PRKN: variants seen among roughly 807,000 people sequenced by gnomAD.
PRKN encodes parkin RBR E3 ubiquitin protein ligase, also known as E3 ubiquitin-protein ligase parkin.
Under a neutral mutation model 59.5 loss-of-function variants are expected in PRKN, and 56 were observed. The ratio of observed to expected loss-of-function variants is 0.94; its 90% confidence interval spans 0.76 to 1.18. The LOEUF (loss-of-function observed/expected upper bound fraction) is 1.18, where lower values mean the gene tolerates loss of function less well. PRKN is among the 50% of genes most tolerant of loss of function. PRKN has a pLI of 0.00. For synonymous variants in PRKN, 250 were observed against 222.1 expected (o/e 1.13, Z -1.12); for missense variants, 657 against 596.4 (o/e 1.10, Z -1.06).
intron 6 of PRKN, among the ~76,000 whole-genome samples, chr6:161,852,086 C>CAA (rs33977899): frequency 0.33 from 39,353 of 121,086 alleles, 5,899 homozygotes; most frequent in South Asian, 0.37. Context: ...GACTCCGTCT[C>CAA]AAAAAAAAAA....
intron 9 of PRKN, among the ~76,000 whole-genome samples, chr6:161,425,433 T>TA (rs1447635141): frequency 6.6e-6 from 1 of 152,154 alleles, no homozygotes; most frequent in Non-Finnish European, 1.5e-5. Flanking sequence ...CAGCAACCCT[T>TA]CAGAAAGAGT....
rs528603434 is a variant in PRKN, at chr6:161,653,009, C to T, written c.872-83593G>A. Among the ~76,000 whole-genome samples the T allele has an allele frequency of 4.6e-5, 7 of 152,288 alleles. No homozygotes were observed. In the South Asian group the frequency reaches 1.0e-3, roughly 23 times the overall value. On this transcript the variant is annotated intron_variant, in intron 7 of 11. Coordinates refer to ENST00000366898, the MANE Select transcript of PRKN (RefSeq NM_004562.3). ...CTATCCCGTACACATCTTGCTTCAT[C>T]GGAATCAATGTTGACTTATCATGAG... is the stretch of plus-strand genomic sequence containing the variant.
At chr6:161,875,794 A>T (rs774978447) in intron 6 of PRKN, among the ~76,000 whole-genome samples, 2 of 152,116 alleles carry the variant, frequency 1.3e-5, no homozygotes, top group African/African-American at 2.4e-5. Flanking sequence ...CATAATTAGT[A>T]AAGTGAGACA....
At chr6:162,665,196 G>A (rs1159454582) in intron 1 of PRKN, among the ~76,000 whole-genome samples, 1 of 152,104 alleles carries the variant, frequency 6.6e-6, no homozygotes, top group Non-Finnish European at 1.5e-5. Context: ...AATCAGGCAA[G>A]AGAAAGAAAT....
chr6:162,184,006 C>T (rs1409022783), intron 4 of PRKN, among the ~76,000 whole-genome samples: 1 of 152,222 alleles, frequency 6.6e-6, no homozygotes, highest in Non-Finnish European at 1.5e-5. Context: ...CTAGTTGCAA[C>T]TGCCCAGTGA....
chr6:161,395,245 C>T lies in PRKN; in HGVS notation c.1084-8368G>A, dbSNP rs748550084. On this transcript the variant is annotated intron_variant, in intron 9 of 11. Transcript: ENST00000366898. The surrounding 1 kb of genome is among the most constrained non-coding windows in gnomAD (Gnocchi z 5.0). ...ACATTGTATAATGTGCTGTACTCTG[C>T]TTGTTGGTTTTTCGTTTAATGCATG... is the stretch of plus-strand genomic sequence containing the variant. 7.2e-5 allele frequency among the ~76,000 whole-genome samples: 11 copies of T among 152,064 alleles called. No homozygotes were observed. Among genetic ancestry groups the T allele is most frequent in the Non-Finnish European group, 1.2e-4 (8 of 68,028 alleles).
chr6:162,681,683 A>G (rs1584039362), intron 1 of PRKN, among the ~76,000 whole-genome samples: 2 of 152,268 alleles, frequency 1.3e-5, no homozygotes, highest in South Asian at 4.1e-4. Flanking sequence ...TAAAGCATAA[A>G]GCAATCAATC....
intron 5 of PRKN, among the ~76,000 whole-genome samples, chr6:162,034,168 CAT>C (rs747375762): frequency 0.034 from 4,539 of 132,036 alleles, 74 homozygotes; most frequent in African/African-American, 0.039. Context: ...TGTACACATA[CAT>C]ATATATATAT....
chr6:162,547,435 A>C (rs746902893), intron 1 of PRKN, among the ~76,000 whole-genome samples: 7 of 152,166 alleles, frequency 4.6e-5, no homozygotes, highest in Non-Finnish European at 8.8e-5. Context: ...ATTTATTTCA[A>C]AGGACTTTCA....
chr6:161,521,178 G>C (rs1054713462), intron 9 of PRKN, among the ~76,000 whole-genome samples: 1 of 151,434 alleles, frequency 6.6e-6, no homozygotes, highest in African/African-American at 2.4e-5. Context: ...GGTTGATGAA[G>C]CAGGAGACTT....
In PRKN at chr6:161,569,484, G is replaced by C. The variant is rs3765475; in HGVS notation, c.872-68C>G. 0.61 allele frequency: 804,470 copies of C among 1,313,510 alleles called. 249,270 individuals are homozygous for C. The highest frequency in any genetic ancestry group is 0.81 in the African/African-American group (56,257 of 69,218). 81.4% of individuals were successfully genotyped at this position (1,313,510 alleles called of 1,614,324 possible). Reference sequence around the variant, plus strand: ...CTGTGTGGTTATATGTTCTTACACAGAGTTATGACTATCAACTGCCAGTGT... The same window carrying C: ...CTGTGTGGTTATATGTTCTTACACACAGTTATGACTATCAACTGCCAGTGT... On this transcript the variant is annotated intron_variant, in intron 7 of 11. Transcript: ENST00000366898.
intron 5 of PRKN, among the ~76,000 whole-genome samples, chr6:161,977,761 AT>A (rs1781104617): frequency 6.6e-6 from 1 of 150,546 alleles, no homozygotes; most frequent in Admixed American, 6.6e-5. Context: ...GTTAGCCAGG[AT>A]GGTCTCAATC....
At chr6:162,282,747 C>T (rs1217598594) in intron 2 of PRKN, among the ~76,000 whole-genome samples, 1 of 152,128 alleles carries the variant, frequency 6.6e-6, no homozygotes, top group East Asian at 1.9e-4. Flanking sequence ...TTATTATTAG[C>T]CCATTTGTCT....
intron 7 of PRKN, among the ~76,000 whole-genome samples, chr6:161,687,158 G>A (rs747393703): frequency 2.0e-4 from 31 of 151,900 alleles, no homozygotes; most frequent in African/African-American, 7.0e-4. Context: ...AGGCCAAGGC[G>A]GGCAGACTGC....
chr6:162,439,681 C>G (rs187392318), intron 2 of PRKN, among the ~76,000 whole-genome samples: 83 of 134,368 alleles, frequency 6.2e-4, no homozygotes, highest in African/African-American at 2.5e-3. Context: ...CTAACTCCCC[C>G]TCTTCCTCTT....
intron 7 of PRKN, among the ~76,000 whole-genome samples, chr6:161,673,099 G>C (rs1582983066): frequency 6.6e-6 from 1 of 152,082 alleles, no homozygotes; most frequent in African/African-American, 2.4e-5. Flanking sequence ...CACACTTCTG[G>C]AATGCTGTCC....
At chr6:162,445,167 C>T (rs1281708249) in intron 1 of PRKN, among the ~76,000 whole-genome samples, 1 of 152,092 alleles carries the variant, frequency 6.6e-6, no homozygotes, top group Non-Finnish European at 1.5e-5. Flanking sequence ...TTACTATGTG[C>T]CAGACATTGT....
chr6:162,476,442 G>A (rs1330515303), intron 1 of PRKN, among the ~76,000 whole-genome samples: 3 of 152,072 alleles, frequency 2.0e-5, no homozygotes, highest in Non-Finnish European at 4.4e-5. Flanking sequence ...TCTTTAAAGT[G>A]GTAAACAGTC....
intron 5 of PRKN, among the ~76,000 whole-genome samples, chr6:161,981,625 GC>G (rs1781260739): frequency 6.6e-6 from 1 of 152,168 alleles, no homozygotes; most frequent in Non-Finnish European, 1.5e-5. Context: ...CCATGGCAAA[GC>G]CTGTTTATCT....
Sources: allele counts gnomAD v4.1 joint callset (sites outside exome capture counted in the v4.1 genomes callset), GRCh38; gene constraint gnomAD v4.1.1; non-coding constraint Gnocchi (gnomAD v3.1); transcripts MANE v1.5; gene names NCBI Gene and HGNC (gene_info 2026-07-23, HGNC 2026-07-21).